Variants in PIWIL3 observed in about 807,000 individuals in gnomAD.
The protein encoded by PIWIL3 is piwi-like protein 3.
In PIWIL3, 101 loss-of-function variants were observed where a neutral mutation model predicts 109.7. The ratio of observed to expected loss-of-function variants is 0.92; its 90% CI spans 0.78 to 1.09. PIWIL3 has a LOEUF of 1.09. PIWIL3 is among the 50% of genes least tolerant of loss of function. The probability of loss-of-function intolerance (pLI) is 0.00; values close to 1 mark genes in which losing one functional copy is unlikely to be tolerated. For synonymous variants in PIWIL3, 373 were observed against 376.4 expected (o/e 0.99, Z 0.10); for missense variants, 1,031 against 1,072.6 (o/e 0.96, Z 0.54).
chr22:24,734,362 C>G lies in PIWIL3; in HGVS notation c.1635-206G>C, dbSNP rs77841652. Among the ~76,000 whole-genome samples the G allele has an allele frequency of 3.8e-3, 581 of 152,320 alleles. 5 individuals carry two copies. Among genetic ancestry groups the G allele is most frequent in the African/African-American group, 0.014 (563 of 41,570 alleles). On this transcript the variant is annotated intron_variant, in intron 13 of 20. Coordinates refer to ENST00000616349, the MANE Select transcript of PIWIL3 (RefSeq NM_001255975.1). ...CTTTGACATCACTACTCTGCCCTAACAGCAAGTCAAAAGCTAAACAGACTG... is the reference window on the plus strand; with the variant it reads ...CTTTGACATCACTACTCTGCCCTAAGAGCAAGTCAAAAGCTAAACAGACTG...
At chr22:24,754,333 T>C (rs1231372616) in intron 7 of PIWIL3, 116 bp from the exon 8 acceptor site, 1 of 787,320 alleles carries the variant, frequency 1.3e-6, no homozygotes, top group Non-Finnish European at 2.0e-6. Flanking sequence ...AAGTATTTAT[T>C]CTTAGTCTTT....
intron 12 of PIWIL3, among the ~76,000 whole-genome samples, chr22:24,737,588 C>T (rs762551011): frequency 1.3e-5 from 2 of 152,184 alleles, no homozygotes; most frequent in Non-Finnish European, 2.9e-5. Flanking sequence ...GGGACTTTGT[C>T]TTGCACCTTA....
At chr22:24,752,488 C>A (rs1010784525) in intron 8 of PIWIL3, among the ~76,000 whole-genome samples, 3 of 152,064 alleles carry the variant, frequency 2.0e-5, no homozygotes, top group Non-Finnish European at 2.9e-5. Context: ...CTGGGCCCTA[C>A]GTAAATCAGA....
chr22:24,738,216 G>A lies in PIWIL3; in HGVS notation c.1450-2324C>T, dbSNP rs147140089. ...AAGGTCTGCATCATGTGATTTGAGT[G>A]CCAGCTCAGCCACAGTACAAAAGAA... On this transcript the variant is annotated intron_variant, in intron 12 of 20. Coordinates refer to ENST00000616349, the MANE Select transcript of PIWIL3 (RefSeq NM_001255975.1). Among the ~76,000 whole-genome samples, 95 of 152,274 alleles carry A rather than the reference G, an allele frequency of 6.2e-4. 1 individual carries two copies. The East Asian group carries it at 0.018, about 28-fold the overall frequency.
chr22:24,752,017 T>G (rs1166298804), intron 8 of PIWIL3, among the ~76,000 whole-genome samples: 1 of 152,238 alleles, frequency 6.6e-6, no homozygotes, highest in East Asian at 1.9e-4. Context: ...TTGGTTACCA[T>G]GAATAAGGTT....
At chr22:24,732,545 C>T (rs970511014) in intron 14 of PIWIL3, among the ~76,000 whole-genome samples, 10 of 152,256 alleles carry the variant, frequency 6.6e-5, no homozygotes, top group African/African-American at 1.4e-4. Flanking sequence ...ATCTTGAGGC[C>T]GGGTGCGGTG....
chr22:24,745,396 A>G (rs1924292438), intron 12 of PIWIL3, among the ~76,000 whole-genome samples: 1 of 152,156 alleles, frequency 6.6e-6, no homozygotes, highest in South Asian at 2.1e-4. Flanking sequence ...CAGGAGTTCA[A>G]GACCAACCTG....
In PIWIL3 at chr22:24,735,570, ATTTT is replaced by A. The variant is rs1390881019; in HGVS notation, c.1634+134_1634+137del. On this transcript the variant is annotated intron_variant, in intron 13 of 20. Coordinates refer to ENST00000616349, the MANE Select transcript of PIWIL3 (RefSeq NM_001255975.1). Reference sequence around the variant, plus strand: ...CATATATCACAAAGTCTGTTTTAATATTTTTTGACTAGAGATTAGACTTTACAAA... The same window carrying A: ...CATATATCACAAAGTCTGTTTTAATATTGACTAGAGATTAGACTTTACAAA... The A allele has an allele frequency of 3.9e-6, 3 of 774,254 alleles. No homozygotes were observed. The African/African-American group carries it at 5.4e-5, about 14-fold the overall frequency. 48.0% of individuals were successfully genotyped at this position (774,254 alleles called of 1,614,324 possible).
chr22:24,723,133 T>C lies in PIWIL3; in HGVS notation c.2354A>G (p.Glu785Gly). ...GCAAAAAATACAGGTGGCTTACCATTCATTCCTAGTCAACTCTACATCAAT... is the reference window on the plus strand; with the variant it reads ...GCAAAAAATACAGGTGGCTTACCATCCATTCCTAGTCAACTCTACATCAAT... ...TVIDVELTRN[E>G]WYDFFIVSQS... Residue 785 changes from glutamate to glycine, a missense_variant, in exon 19 of 21, where the codon GAA becomes GGA. Glu to Gly is a moderately conservative substitution (Grantham distance 98). Coordinates refer to ENST00000616349, the MANE Select transcript of PIWIL3 (RefSeq NM_001255975.1). 6.2e-7 allele frequency: 1 copy of C among 1,613,374 alleles called. No homozygotes were observed. Among genetic ancestry groups the C allele is most frequent in the Non-Finnish European group, 8.5e-7 (1 of 1,179,456 alleles).
intron 12 of PIWIL3, among the ~76,000 whole-genome samples, chr22:24,742,533 G>A (rs1397807667): frequency 6.6e-6 from 1 of 152,172 alleles, no homozygotes; most frequent in Non-Finnish European, 1.5e-5. Context: ...AAACAACATG[G>A]TACTGGTATA....
At chr22:24,742,572 G>A (rs191448593) in intron 12 of PIWIL3, among the ~76,000 whole-genome samples, 1 of 152,198 alleles carries the variant, frequency 6.6e-6, no homozygotes, top group African/African-American at 2.4e-5. Context: ...CAATGGAACA[G>A]AATAGAGAAC....
At chr22:24,736,899 G>A (rs1168363066) in intron 12 of PIWIL3, among the ~76,000 whole-genome samples, 1 of 152,222 alleles carries the variant, frequency 6.6e-6, no homozygotes, top group Non-Finnish European at 1.5e-5. Flanking sequence ...TAGCCAAAGG[G>A]GAATTTCCCA....
intron 12 of PIWIL3, among the ~76,000 whole-genome samples, chr22:24,744,045 G>A (rs1924165759): frequency 6.6e-6 from 1 of 151,476 alleles, no homozygotes; most frequent in Admixed American, 6.6e-5. Flanking sequence ...TAAAAGGAAG[G>A]CAGGAAAGAA....
chr22:24,757,098 A>AAAAAAG (rs1555912998), intron 4 of PIWIL3, among the ~76,000 whole-genome samples: 9 of 146,524 alleles, frequency 6.1e-5, no homozygotes, highest in African/African-American at 1.6e-4. Context: ...AAAAAAAAAA[A>AAAAAAG]AAAAGAAAAG....
rs1051221731 is a variant in PIWIL3, at chr22:24,759,907, G to A, written c.185C>T (p.Ala62Val). The A allele has an allele frequency of 1.2e-6, 2 of 1,614,046 alleles. No individual in the cohort carries two copies. The highest frequency in any genetic ancestry group is 3.3e-5 in the Admixed American group (2 of 60,010). Residue 62 changes from alanine to valine, a missense_variant, in exon 3 of 21, where the codon GCA becomes GTA. Coordinates refer to ENST00000616349, the MANE Select transcript of PIWIL3 (RefSeq NM_001255975.1). Reference protein sequence around the residue: ...VPVVRPLQPRAARGGAGGGAQ... With the variant: ...VPVVRPLQPRVARGGAGGGAQ... ...TCCTCCTCCTGCTCCTCCTCTTGCT[G>A]CTCTTGGCTGCAGAGGTCTAACCAC...
At chr22:24,749,134 T>TACCTTCCC in intron 11 of PIWIL3, 113 bp from the exon 12 acceptor site, 2 of 899,572 alleles carry the variant, frequency 2.2e-6, no homozygotes, top group South Asian at 3.4e-5. Flanking sequence ...GTCCGCAGCA[T>TACCTTCCC]TGAGATGCGG....
chr22:24,755,877 T>C lies in PIWIL3; in HGVS notation c.599A>G (p.Asp200Gly). 1.2e-6 allele frequency: 2 copies of C among 1,613,998 alleles called. No individual in the cohort carries two copies. The highest frequency in any genetic ancestry group is 3.3e-5 in the Admixed American group (2 of 60,012). Residue 200 changes from aspartate to glycine, a missense_variant, in exon 6 of 21, where the codon GAC (aspartate) becomes GGC (glycine). Asp to Gly is a moderately conservative substitution (Grantham distance 94). Coordinates refer to ENST00000616349, the MANE Select transcript of PIWIL3 (RefSeq NM_001255975.1). The stretch of plus-strand genomic sequence containing the variant: ...AACTGTAATCTTCACGATGTTTTTG[T>C]CTTTGGTTGTGCTCAACCATTCCAC... The part of the protein sequence containing the change: ...RRVEWLSTTK[D>G]KNIVKITVEF...
chr22:24,761,466 G>C (rs925935035), intron 2 of PIWIL3, among the ~76,000 whole-genome samples: 1 of 152,170 alleles, frequency 6.6e-6, no homozygotes, highest in African/African-American at 2.4e-5. Context: ...TGGCAGAGTG[G>C]AAGGGCCCAG....
At chr22:24,759,070 T>C (rs189211775) in intron 3 of PIWIL3, among the ~76,000 whole-genome samples, 210 of 152,278 alleles carry the variant, frequency 1.4e-3, no homozygotes, top group African/African-American at 5.0e-3. Context: ...ATTTGTATAT[T>C]TTTGGTAAAG....
Sources: gnomAD v4.1 joint callset for allele counts (sites outside exome capture counted in the v4.1 genomes callset) on GRCh38, gnomAD v4.1.1 for gene constraint, MANE v1.5 for transcripts, NCBI Gene and HGNC (gene_info 2026-07-23, HGNC 2026-07-21) for gene names.